Variants in DCST2 observed in about 807,000 individuals in gnomAD.
DCST2 encodes the protein DC-STAMP domain containing 2, also known as DC-STAMP domain-containing protein 2.
DCST2 carries 64 observed loss-of-function variants against 81.8 expected under a neutral mutation model. That is an observed-to-expected ratio of 0.78 (90% CI 0.64 to 0.96). The LOEUF (loss-of-function observed/expected upper bound fraction) is 0.96. Ranked by LOEUF, DCST2 falls within the 40% of genes least tolerant of loss-of-function variation. The probability of loss-of-function intolerance (pLI) is 0.00; values close to 1 mark genes in which losing one functional copy is unlikely to be tolerated. For missense variants in DCST2, 945 were observed against 1,001.4 expected, an observed-to-expected ratio of 0.94 and a Z score of 0.76; for synonymous variants, 354 against 402.6, an observed-to-expected ratio of 0.88 and a Z score of 1.44.
chr1:155,031,515 T>TGCCCCCCC lies in DCST2; in HGVS notation c.739+58_739+59insGGGGGGGC. The TGCCCCCCC allele has an allele frequency of 5.1e-5, 33 of 643,126 alleles. 1 individual carries two copies. The highest frequency in any genetic ancestry group is 9.3e-5 in the Non-Finnish European group (32 of 343,058). 39.8% of individuals were successfully genotyped at this position (643,126 alleles called of 1,614,324 possible). ...CTGCCCTCCCAACTGACCCCCACAT[T>TGCCCCCCC]CCCACCCCACCCCACCCCACATCGG... On this transcript the variant is annotated intron_variant, in intron 4 of 14. Coordinates refer to ENST00000368424, the MANE Select transcript of DCST2 (RefSeq NM_144622.3).
At chr1:155,026,747 A>T (rs1372451675) in intron 8 of DCST2, 32 bp from the exon 9 acceptor site, 3 of 1,611,848 alleles carry the variant, frequency 1.9e-6, no homozygotes, top group Non-Finnish European at 2.5e-6. Context: ...AGTGACACTC[A>T]TGGCAGTTGC....
intron 8 of DCST2, among the ~76,000 whole-genome samples, chr1:155,028,884 A>AAC (rs1158648571): frequency 1.3e-5 from 2 of 151,826 alleles, no homozygotes; most frequent in African/African-American, 4.8e-5. Flanking sequence ...AAAAAAAAAA[A>AAC]AAAGAGGAAA....
At chr1:155,031,969 AT>A (rs1007649537) in intron 3 of DCST2, among the ~76,000 whole-genome samples, 198 bp from the exon 4 acceptor site, 32 of 151,998 alleles carry the variant, frequency 2.1e-4, no homozygotes, top group Admixed American at 2.6e-4. Context: ...AGGAGACTGA[AT>A]TTTTTTGTTT....
In DCST2 at chr1:155,024,610, G is replaced by A. The variant is rs570090862; in HGVS notation, c.1612-8C>T. Reference sequence around the variant, plus strand: ...CAGGTAGGAGATCCTCTCCTGGTGCGGGGAGATCAGGGATGGGGTCCCACT... The same window carrying A: ...CAGGTAGGAGATCCTCTCCTGGTGCAGGGAGATCAGGGATGGGGTCCCACT... On this transcript the variant is annotated splice_region_variant and splice_polypyrimidine_tract_variant and intron_variant, in intron 10 of 14. Coordinates refer to ENST00000368424, the MANE Select transcript of DCST2 (RefSeq NM_144622.3). The A allele has an allele frequency of 1.8e-5, 29 of 1,589,400 alleles. No homozygotes were observed. Among genetic ancestry groups the A allele is most frequent in the Middle Eastern group, 1.7e-4 (1 of 5,990 alleles).
chr1:155,028,819 G>A (rs189216710), intron 8 of DCST2, among the ~76,000 whole-genome samples: 168 of 139,514 alleles, frequency 1.2e-3, no homozygotes, highest in Non-Finnish European at 1.9e-3. Context: ...GCAGTGAGCC[G>A]AGATGGCGCC....
chr1:155,022,943 G>GGGC (rs1659792233), intron 14 of DCST2, among the ~76,000 whole-genome samples, 174 bp downstream of exon 14: 1 of 152,150 alleles, frequency 6.6e-6, no homozygotes. Context: ...AGCTCCTCCT[G>GGGC]GGCCACGGTG....
intron 14 of DCST2, among the ~76,000 whole-genome samples, chr1:155,022,312 A>G (rs1182331603): frequency 6.6e-6 from 1 of 151,972 alleles, no homozygotes; most frequent in Non-Finnish European, 1.5e-5. Flanking sequence ...ACCCAGCCAC[A>G]CCCATCCCTT....
chr1:155,018,834 T>TGCCCC (rs1659658083), intron 14 of DCST2, 74 bp from the exon 15 acceptor site: 1 of 1,438,912 alleles, frequency 6.9e-7, no homozygotes, highest in South Asian at 1.2e-5. Context: ...CCCCCTGCCC[T>TGCCCC]GCCCCATCTG....
chr1:155,030,098 C>T lies in DCST2; in HGVS notation c.1163G>A (p.Arg388His), dbSNP rs200223587. Reference protein sequence around the residue: ...VLPLSAHEARRYIPPGSIFLS... With the variant: ...VLPLSAHEARHYIPPGSIFLS... Reference sequence around the variant, plus strand: ...AGGGCCCTCACCCGGTGGGATGTAGCGCCTGGCCTCGTGAGCACTGAGCGG... The same window carrying T: ...AGGGCCCTCACCCGGTGGGATGTAGTGCCTGGCCTCGTGAGCACTGAGCGG... Residue 388 changes from arginine (R) to histidine (H), a missense_variant, in exon 7 of 15, where the codon CGC (arginine) becomes CAC (histidine). Transcript: ENST00000368424. 221 of 1,613,448 alleles carry T rather than the reference C, an allele frequency of 1.4e-4. No homozygotes were observed. Among genetic ancestry groups the T allele is most frequent in the Non-Finnish European group, 1.8e-4 (213 of 1,179,996 alleles).
intron 3 of DCST2, 109 bp from the exon 4 acceptor site, chr1:155,031,880 GGAC>G (rs1660097136): frequency 8.5e-7 from 1 of 1,177,348 alleles, no homozygotes; most frequent in African/African-American, 1.5e-5. Context: ...CTGTGGTCAG[GGAC>G]CTGGCTGTGC....
chr1:155,032,593 A>C, intron 3 of DCST2, 74 bp downstream of exon 3: 2 of 1,292,466 alleles, frequency 1.5e-6, no homozygotes, highest in Non-Finnish European at 2.2e-6. Context: ...CTGGGATTAC[A>C]GGCATGAGCC....
chr1:155,032,907 G>T, intron 2 of DCST2, 139 bp from the exon 3 acceptor site: 2 of 1,026,186 alleles, frequency 1.9e-6, no homozygotes, highest in Non-Finnish European at 1.4e-6. Context: ...CTGGGAGATC[G>T]TTAATCTGGG....
chr1:155,028,868 C>CA (rs71767777), intron 8 of DCST2, among the ~76,000 whole-genome samples: 20,205 of 101,338 alleles, frequency 0.2, 2,229 homozygotes, highest in Non-Finnish European at 0.23. Context: ...GACTCTGTCT[C>CA]AAAAAAAAAA....
intron 10 of DCST2, among the ~76,000 whole-genome samples, chr1:155,025,967 C>A (rs1293851201): frequency 1.3e-5 from 2 of 151,820 alleles, no homozygotes; most frequent in African/African-American, 4.8e-5. Flanking sequence ...CTCACCCTTC[C>A]AAAGTGCTGG....
intron 8 of DCST2, 85 bp from the exon 9 acceptor site, chr1:155,026,800 C>G (rs187352253): frequency 8.5e-6 from 13 of 1,524,856 alleles, no homozygotes; most frequent in Non-Finnish European, 1.2e-5. Flanking sequence ...GAAAGTGGAG[C>G]AGCGCAGGTC....
intron 14 of DCST2, among the ~76,000 whole-genome samples, chr1:155,020,140 G>A (rs555423681): frequency 3.3e-5 from 5 of 152,092 alleles, no homozygotes; most frequent in Admixed American, 6.6e-5. Context: ...CCTCCCCAAC[G>A]TGCTTTTACA....
At position 155,030,040 on chromosome 1, in the gene DCST2, C is replaced by G. The variant is rs769774494; in HGVS notation, c.1177+44G>C. On this transcript the variant is annotated intron_variant, in intron 7 of 14. Transcript: ENST00000368424. ...CAGGGCAGCGGGGTGGGGGGAAGCC[C>G]TGGCCTCCCTGGCTTGGGCTCTCCC... The G allele has an allele frequency of 5.0e-6, 8 of 1,607,934 alleles. No individual in the cohort carries two copies. In the African/African-American group the frequency reaches 1.1e-4, roughly 21 times the overall value.
intron 6 of DCST2, 76 bp downstream of exon 6, chr1:155,030,356 G>T: frequency 6.3e-7 from 1 of 1,594,702 alleles, no homozygotes. Flanking sequence ...GGGGCAGGGA[G>T]AAATGAGCTG....
rs762986521 is a variant in DCST2, at chr1:155,029,266, G to C, written c.1309C>G (p.Arg437Gly). Residue 437 changes from arginine to glycine, a missense_variant, in exon 8 of 15, where the codon CGG becomes GGG. Physicochemically the swap from Arg to Gly is moderately radical, Grantham distance 125 (BLOSUM62 -2). Transcript: ENST00000368424. Reference sequence around the variant, plus strand: ...ACAATCTCCCCCTGCAGCTGGTGCCGGGCCAGGTCAAGCACCCAGAAGACA... The same window carrying C: ...ACAATCTCCCCCTGCAGCTGGTGCCCGGCCAGGTCAAGCACCCAGAAGACA... ...YAVFWVLDLARHQLQGEIVAR... is the reference protein window; with the variant it reads ...YAVFWVLDLAGHQLQGEIVAR... 5 of 1,613,902 alleles carry C rather than the reference G, an allele frequency of 3.1e-6. No homozygotes were observed. In the East Asian group the frequency reaches 1.1e-4, roughly 36 times the overall value.
Sources: allele counts gnomAD v4.1 joint callset (sites outside exome capture counted in the v4.1 genomes callset), GRCh38; gene constraint gnomAD v4.1.1; transcripts MANE v1.5; gene names NCBI Gene and HGNC (gene_info 2026-07-23, HGNC 2026-07-21).